Variants in PMEPA1 observed in about 807,000 individuals in gnomAD.
PMEPA1 encodes protein TMEPAI.
Under a neutral mutation model 23.0 loss-of-function variants are expected in PMEPA1, and 11 were observed. The ratio of observed to expected loss-of-function variants is 0.48; its 90% CI spans 0.30 to 0.79. The LOEUF is 0.79. PMEPA1 is among the 30% of genes least tolerant of loss of function. PMEPA1 has a pLI of 0.06. For synonymous variants in PMEPA1, 204 were observed against 166.4 expected, an observed-to-expected ratio of 1.23 and a Z score of -1.74; for missense variants, 377 against 390.9, an observed-to-expected ratio of 0.96 and a Z score of 0.30.
At chr20:57,658,461 C>A (rs3795118) in intron 2 of PMEPA1, among the ~76,000 whole-genome samples, 20,001 of 152,226 alleles carry the variant, frequency 0.13, 1,641 homozygotes, top group East Asian at 0.35. Context: ...GGCTCACAGC[C>A]ACTTCCCAAA....
Position 57,652,321 on chromosome 20 carries a change from C to T in PMEPA1, c.596G>A (p.Ser199Asn), listed in dbSNP as rs1160216156. Residue 199 changes from serine (S) to asparagine (N), a missense_variant, in exon 4 of 4, where the codon AGT (serine) becomes AAT (asparagine). Ser to Asn is a conservative substitution (Grantham distance 46). Around this residue, in one of 3 missense-constraint regions of PMEPA1, gnomAD observed 176 missense variants for 173.0 expected, o/e 1.02. Coordinates refer to ENST00000341744, the MANE Select transcript of PMEPA1 (RefSeq NM_020182.5). The surrounding 1 kb of genome is among the most constrained non-coding windows in gnomAD (Gnocchi z 6.1). ...GGGGCAGGGGCCGCCCAGCCTGGCA[C>T]TATCCATCAGGTCACTGTCGAAGAT... is the stretch of plus-strand genomic sequence containing the variant. Reference protein sequence around the residue: ...RTIFDSDLMDSARLGGPCPPS... With the variant: ...RTIFDSDLMDNARLGGPCPPS... 1.2e-6 allele frequency: 2 copies of T among 1,612,098 alleles called. No homozygotes were observed. Among genetic ancestry groups the T allele is most frequent in the Non-Finnish European group, 1.7e-6 (2 of 1,179,862 alleles).
At chr20:57,686,607 G>C (rs1325585324) in intron 1 of PMEPA1, among the ~76,000 whole-genome samples, 1 of 152,208 alleles carries the variant, frequency 6.6e-6, no homozygotes, top group African/African-American at 2.4e-5. Flanking sequence ...ATGCCCTTGT[G>C]CATTAAACCC....
At chr20:57,673,027 G>C (rs1196873703) in intron 1 of PMEPA1, among the ~76,000 whole-genome samples, 1 of 152,188 alleles carries the variant, frequency 6.6e-6, no homozygotes, top group Non-Finnish European at 1.5e-5. Flanking sequence ...TGCGCAGTAA[G>C]TATCAGCCGC....
chr20:57,701,053 A>G (rs1008850076), intron 1 of PMEPA1, among the ~76,000 whole-genome samples: 2 of 151,764 alleles, frequency 1.3e-5, no homozygotes, highest in Non-Finnish European at 2.9e-5. Flanking sequence ...AGAAAAGAAA[A>G]AAGAAGACAT....
chr20:57,704,622 C>A lies in PMEPA1; in HGVS notation c.109+4852G>T, dbSNP rs1296535045. Among the ~76,000 whole-genome samples, 1 of 152,232 alleles carries A rather than the reference C, an allele frequency of 6.6e-6. No individual in the cohort carries two copies. The highest frequency in any genetic ancestry group is 1.5e-5 in the Non-Finnish European group (1 of 68,054). ...TGCCTGCAAACTTGGTCTCTGGATG[C>A]TAACACCTGAAGAGAGAAGGCCACA... On this transcript the variant is annotated intron_variant, in intron 1 of 3. Transcript: ENST00000341744. This position sits in a 1 kb window ranked among gnomAD's most constrained non-coding sequence, Gnocchi z 4.6.
chr20:57,710,338 C>T (rs892078675), upstream of PMEPA1: 1 of 1,032,772 alleles, frequency 9.7e-7, no homozygotes. Flanking sequence ...CCCTCGCCCC[C>T]GTCCCTGGGG....
At chr20:57,669,929 T>C (rs760916620) in intron 1 of PMEPA1, among the ~76,000 whole-genome samples, 1 of 152,080 alleles carries the variant, frequency 6.6e-6, no homozygotes, top group African/African-American at 2.4e-5. Context: ...AGACAGCTGC[T>C]CCCATAACGA....
chr20:57,706,468 G>T (rs984334748), intron 1 of PMEPA1, among the ~76,000 whole-genome samples: 1 of 152,148 alleles, frequency 6.6e-6, no homozygotes, highest in Non-Finnish European at 1.5e-5. Flanking sequence ...CTTTTTAAAA[G>T]AAAGGGTTTT....
intron 1 of PMEPA1, among the ~76,000 whole-genome samples, chr20:57,701,102 A>C (rs1437774950): frequency 6.6e-6 from 1 of 152,128 alleles, no homozygotes; most frequent in Non-Finnish European, 1.5e-5. Flanking sequence ...TATAGTTCGA[A>C]TCTTTCTGAC....
chr20:57,710,195 C>T, upstream of PMEPA1: 1 of 496,532 alleles, frequency 2.0e-6, no homozygotes, highest in Non-Finnish European at 3.2e-6. Context: ...ACCCGGCACC[C>T]GCGCAACGGA....
intron 1 of PMEPA1, among the ~76,000 whole-genome samples, chr20:57,677,806 T>A (rs2071658743): frequency 6.6e-6 from 1 of 152,152 alleles, no homozygotes; most frequent in African/African-American, 2.4e-5. Flanking sequence ...CAGATGTCCC[T>A]CAACAGGTGA....
At chr20:57,666,399 G>T (rs1360669356) in intron 1 of PMEPA1, among the ~76,000 whole-genome samples, 1 of 152,112 alleles carries the variant, frequency 6.6e-6, no homozygotes, top group Non-Finnish European at 1.5e-5. Flanking sequence ...CATTCTGTGA[G>T]GTCCGTACTT....
At chr20:57,676,806 C>T (rs578101735) in intron 1 of PMEPA1, among the ~76,000 whole-genome samples, 51 of 152,312 alleles carry the variant, frequency 3.3e-4, no homozygotes, top group Middle Eastern at 6.8e-3. Context: ...AGAACCTTGG[C>T]GTTCATCCCT....
intron 1 of PMEPA1, among the ~76,000 whole-genome samples, chr20:57,674,119 T>C (rs1428867455): frequency 6.6e-6 from 1 of 152,186 alleles, no homozygotes; most frequent in Non-Finnish European, 1.5e-5. Flanking sequence ...CCAACATATG[T>C]TGAAGCCCTG....
In PMEPA1 at chr20:57,656,811, C is replaced by T. The variant is rs545499223; in HGVS notation, c.264+2732G>A. Among the ~76,000 whole-genome samples the T allele has an allele frequency of 1.8e-4, 28 of 152,298 alleles. No homozygotes were observed. The highest frequency in any genetic ancestry group is 3.2e-4 in the Non-Finnish European group (22 of 68,026). On this transcript the variant is annotated intron_variant, in intron 2 of 3. Coordinates refer to ENST00000341744, the MANE Select transcript of PMEPA1 (RefSeq NM_020182.5). This position sits in a 1 kb window ranked among gnomAD's most constrained non-coding sequence, Gnocchi z 4.7. ...GGTCACCCTGAAAAGGGGCCATGGTCGGATAGCCATGCCAGGGGCAGAGCA... is the reference window on the plus strand; with the variant it reads ...GGTCACCCTGAAAAGGGGCCATGGTTGGATAGCCATGCCAGGGGCAGAGCA...
intron 1 of PMEPA1, among the ~76,000 whole-genome samples, chr20:57,698,869 T>A (rs1244280118): frequency 6.6e-6 from 1 of 152,190 alleles, no homozygotes; most frequent in Non-Finnish European, 1.5e-5. Flanking sequence ...TATTTTTTAT[T>A]CCTTAAATGT....
At chr20:57,689,078 C>T (rs2071840412) in intron 1 of PMEPA1, among the ~76,000 whole-genome samples, 1 of 152,220 alleles carries the variant, frequency 6.6e-6, no homozygotes, top group African/African-American at 2.4e-5. Context: ...CGCATGGGCC[C>T]GAGTGGGCGT....
At chr20:57,667,375 A>G (rs2071508341) in intron 1 of PMEPA1, among the ~76,000 whole-genome samples, 6 of 152,080 alleles carry the variant, frequency 3.9e-5, no homozygotes, top group Admixed American at 3.9e-4. Flanking sequence ...AGAAGAACCC[A>G]CCCAGCCCAC....
chr20:57,690,812 C>T (rs1442517628), intron 1 of PMEPA1, among the ~76,000 whole-genome samples: 2 of 152,198 alleles, frequency 1.3e-5, no homozygotes, highest in Non-Finnish European at 2.9e-5. Flanking sequence ...ATCCAGGAGC[C>T]GGGGGTTCTG....
Sources: allele counts gnomAD v4.1 joint callset (sites outside exome capture counted in the v4.1 genomes callset), GRCh38; gene constraint gnomAD v4.1.1; regional missense constraint gnomAD v4.1.1; non-coding constraint Gnocchi (gnomAD v3.1); transcripts MANE v1.5; gene names NCBI Gene and HGNC (gene_info 2026-07-23, HGNC 2026-07-21).